The following PCNX1 variants were observed in gnomAD, a reference collection of about 807,000 sequenced individuals.
PCNX1 encodes the protein pecanex-like protein 1.
Under a neutral mutation model 242.2 loss-of-function variants are expected in PCNX1, and 78 were observed. That is an observed-to-expected ratio of 0.32 (90% CI 0.27 to 0.39). The LOEUF (loss-of-function observed/expected upper bound fraction) is 0.39. Ranked by LOEUF, PCNX1 falls within the 10% of genes least tolerant of loss-of-function variation. PCNX1 has a pLI of 1.00. For missense variants in PCNX1, 2,581 were observed against 2,856.5 expected (o/e 0.90, Z 2.20); for synonymous variants, 1,024 against 1,032.9 (o/e 0.99, Z 0.17).
At chr14:71,086,875 G>A (rs190796567) in intron 28 of PCNX1, among the ~76,000 whole-genome samples, 53 of 152,236 alleles carry the variant, frequency 3.5e-4, no homozygotes, top group Non-Finnish European at 6.2e-4. Flanking sequence ...CTCAGGGACC[G>A]GTGTCCAGTG....
chr14:71,041,047 C>G (rs576193688), intron 19 of PCNX1, among the ~76,000 whole-genome samples: 1 of 152,144 alleles, frequency 6.6e-6, no homozygotes, highest in South Asian at 2.1e-4. Context: ...TGTATATGTA[C>G]CACATTTTCT....
At chr14:71,062,202 G>A (rs1595406291) in intron 26 of PCNX1, among the ~76,000 whole-genome samples, 1 of 152,070 alleles carries the variant, frequency 6.6e-6, no homozygotes, top group Non-Finnish European at 1.5e-5. Context: ...GGTCCTTCAG[G>A]GGGTATCCAG....
chr14:71,083,410 C>T (rs992761136), intron 28 of PCNX1, among the ~76,000 whole-genome samples: 1 of 152,070 alleles, frequency 6.6e-6, no homozygotes, highest in Non-Finnish European at 1.5e-5. Context: ...TCTTGCTAGG[C>T]TGGGGAAGTT....
In PCNX1 at chr14:70,977,468, G is replaced by A. The variant is rs921144195; in HGVS notation, c.1131G>A (p.Arg377=). ...SMDSLRSLST[R]SSGSTESYCS... is the part of the protein sequence containing the mutation. ...ACAGCTTGAGGAGCCTGAGCACACG[G>A]AGTAGTGGGTCAACAGAAAGCTACT... The change falls in exon 6 of 36, where the codon CGG becomes CGA. Residue 377 remains arginine, a synonymous_variant. Transcript: ENST00000304743. 16 of 1,613,976 alleles carry A rather than the reference G, an allele frequency of 9.9e-6. No homozygotes were observed. The highest frequency in any genetic ancestry group is 1.3e-5 in the African/African-American group (1 of 74,912).
intron 1 of PCNX1, among the ~76,000 whole-genome samples, chr14:70,926,725 A>G (rs532585478): frequency 6.6e-6 from 1 of 152,284 alleles, no homozygotes; most frequent in Non-Finnish European, 1.5e-5. Flanking sequence ...TCAAGGGGGC[A>G]GAAATTAACT....
chr14:71,113,050 C>T lies in PCNX1; in HGVS notation c.*3115C>T, dbSNP rs955976234. On this transcript the variant is annotated 3_prime_UTR_variant, in exon 36 of 36. Coordinates refer to ENST00000304743, the MANE Select transcript of PCNX1 (RefSeq NM_014982.3). ...ACACTGGATAAAACTTTAATGTTGA[C>T]TTTTTGCTAAAGAACTTTAATTTTT... is the stretch of plus-strand genomic sequence containing the variant. 6.6e-6 allele frequency: 1 copy of T among 152,082 alleles called. No homozygotes were observed. The highest frequency in any genetic ancestry group is 2.4e-5 in the African/African-American group (1 of 41,412). 9.4% of individuals were successfully genotyped at this position (152,082 alleles called of 1,614,324 possible). A position where few individuals can be genotyped will look rare whatever the true frequency, so the allele number is the denominator to read the frequency against.
intron 26 of PCNX1, among the ~76,000 whole-genome samples, chr14:71,066,177 G>A (rs2061441777): frequency 6.6e-6 from 1 of 152,172 alleles, no homozygotes; most frequent in Non-Finnish European, 1.5e-5. Context: ...GATGGGGATA[G>A]CATTGAATCT....
At chr14:70,956,297 C>A (rs1379784757) in intron 2 of PCNX1, among the ~76,000 whole-genome samples, 1 of 152,116 alleles carries the variant, frequency 6.6e-6, no homozygotes, top group Non-Finnish European at 1.5e-5. Context: ...ATTCCCAGCA[C>A]TTTGGGAGGC....
intron 27 of PCNX1, among the ~76,000 whole-genome samples, chr14:71,074,027 T>C (rs1286220234): frequency 2.6e-5 from 4 of 152,240 alleles, no homozygotes; most frequent in Non-Finnish European, 5.9e-5. Flanking sequence ...TAATAATAGC[T>C]AGACATTTGT....
intron 1 of PCNX1, among the ~76,000 whole-genome samples, chr14:70,933,600 A>G (rs373880048): frequency 6.6e-6 from 1 of 152,194 alleles, no homozygotes; most frequent in South Asian, 2.1e-4. Context: ...CAGATCATCT[A>G]CAAACTGAAG....
intron 2 of PCNX1, among the ~76,000 whole-genome samples, chr14:70,959,380 T>A (rs1275896655): frequency 1.3e-5 from 1 of 77,098 alleles, no homozygotes; most frequent in African/African-American, 5.4e-5. Context: ...CCCTCCCCCC[T>A]CCCCCCACCC....
chr14:70,912,964 C>T (rs2055990159), intron 1 of PCNX1, among the ~76,000 whole-genome samples: 2 of 152,190 alleles, frequency 1.3e-5, no homozygotes, highest in Admixed American at 6.5e-5. Flanking sequence ...CAGTATTATC[C>T]CCTCACAGAG....
rs1049973293 is a variant in PCNX1 at position 71,110,167 on chromosome 14, A to C, written c.*232A>C. 1 of 576,670 alleles carries C rather than the reference A, an allele frequency of 1.7e-6. No individual in the cohort carries two copies. The highest frequency in any genetic ancestry group is 3.1e-6 in the Non-Finnish European group (1 of 318,020). The allele number at this position is 576,670 out of a possible 1,614,324, so 35.7% of individuals were successfully genotyped here. A position where few individuals can be genotyped will look rare whatever the true frequency, so the allele number is the denominator to read the frequency against. On this transcript the variant is annotated 3_prime_UTR_variant, in exon 36 of 36. Transcript: ENST00000304743. ...TTTTTTTAAGTTAGCTGCCGAGAAA[A>C]CATTTTGCATGAAGGATAAAGTTCT...
intron 26 of PCNX1, among the ~76,000 whole-genome samples, chr14:71,066,152 A>C (rs1676462534): frequency 6.6e-6 from 1 of 152,302 alleles, no homozygotes; most frequent in East Asian, 1.9e-4. Flanking sequence ...CTGTGAAGAA[A>C]GTCAGTGGCA....
intron 8 of PCNX1, among the ~76,000 whole-genome samples, chr14:71,002,774 T>A (rs928577956): frequency 1.3e-5 from 2 of 152,194 alleles, no homozygotes; most frequent in African/African-American, 4.8e-5. Context: ...GATGGTTGTG[T>A]TGTTTCCCGT....
intron 8 of PCNX1, among the ~76,000 whole-genome samples, chr14:71,006,103 CTGTGTGTGTGTGTGTGTGTGTGTGTGTG>C (rs60147260): frequency 1.6e-3 from 178 of 114,246 alleles, no homozygotes; most frequent in East Asian, 5.3e-3. Context: ...GTGTGTGTGT[CTGTGTGTGTGTGTGTGTGTGTGTGTGTG>C]TGTGTGTGTG....
At chr14:70,960,669 A>G (rs988810028) in intron 2 of PCNX1, among the ~76,000 whole-genome samples, 10 of 152,162 alleles carry the variant, frequency 6.6e-5, no homozygotes, top group South Asian at 2.1e-4. Flanking sequence ...GGCCAGGGCA[A>G]TTAGGCAGGA....
rs141269035 is a variant in PCNX1 at position 71,089,051 on chromosome 14, G to T, written c.5439-141G>T. On this transcript the variant is annotated intron_variant, in intron 29 of 35. Transcript: ENST00000304743. ...ACAGGCCCTGTCTCTTGTGATTCTG[G>T]TTCAGGGTTCTGACATTAGTTCCTG... 1.5e-5 allele frequency: 9 copies of T among 604,224 alleles called. No homozygotes were observed. The East Asian group carries it at 2.0e-4, about 14-fold the overall frequency. 37.4% of individuals were successfully genotyped at this position (604,224 alleles called of 1,614,324 possible). A position where few individuals can be genotyped will look rare whatever the true frequency, so the allele number is the denominator to read the frequency against.
chr14:70,942,318 T>G, intron 1 of PCNX1, among the ~76,000 whole-genome samples: 1 of 152,134 alleles, frequency 6.6e-6, no homozygotes, highest in Non-Finnish European at 1.5e-5. Flanking sequence ...ATTAAAAAGG[T>G]TTTTTTTAAA....
Sources: allele counts gnomAD v4.1 joint callset (sites outside exome capture counted in the v4.1 genomes callset), GRCh38; gene constraint gnomAD v4.1.1; transcripts MANE v1.5; gene names NCBI Gene and HGNC (gene_info 2026-07-23, HGNC 2026-07-21).